Variants in XYLT1 observed in about 807,000 individuals in gnomAD.
The protein encoded by XYLT1 is xylosyltransferase 1, also known as beta-D-xylosyltransferase 1.
In XYLT1, 36 loss-of-function variants were observed where a neutral mutation model predicts 91.3. That is an observed-to-expected ratio of 0.39 (90% CI 0.30 to 0.52). The LOEUF is 0.52. XYLT1 is among the 20% of genes least tolerant of loss of function. The probability of loss-of-function intolerance (pLI) is 0.68; values close to 1 mark genes in which losing one functional copy is unlikely to be tolerated. For missense variants in XYLT1, 1,242 were observed against 1,284.5 expected (o/e 0.97, Z 0.51); for synonymous variants, 588 against 532.0 (o/e 1.11, Z -1.45).
At chr16:17,271,389 C>T (rs143274222) in intron 2 of XYLT1, among the ~76,000 whole-genome samples, 1 of 150,516 alleles carries the variant, frequency 6.6e-6, no homozygotes, top group African/African-American at 2.5e-5. Flanking sequence ...GAGAGAGACA[C>T]AGAGAGAAAG....
Position 17,470,785 on chromosome 16 carries a change from C to T in XYLT1, c.12G>A (p.Ala4=). ...GCCGGGCCAGCCTCCGGGCGCACGG[C>T]GCCGCCACCATCTTCGGAGCGCGGC... is the stretch of plus-strand genomic sequence containing the variant. MVA[A]PCARRLARRS... Residue 4 remains alanine (A), a synonymous_variant, in exon 1 of 12, where the codon GCG becomes GCA. Coordinates refer to ENST00000261381, the MANE Select transcript of XYLT1 (RefSeq NM_022166.4). 9.8e-7 allele frequency: 1 copy of T among 1,019,898 alleles called. No homozygotes were observed. Among genetic ancestry groups the T allele is most frequent in the Non-Finnish European group, 1.2e-6 (1 of 853,904 alleles). 63.2% of individuals were successfully genotyped at this position (1,019,898 alleles called of 1,614,324 possible).
intron 1 of XYLT1, among the ~76,000 whole-genome samples, chr16:17,371,486 G>A (rs117645174): frequency 6.6e-6 from 1 of 152,210 alleles, no homozygotes; most frequent in Non-Finnish European, 1.5e-5. Flanking sequence ...GGGTATAAAT[G>A]ACACAGCAGA....
intron 2 of XYLT1, among the ~76,000 whole-genome samples, chr16:17,348,921 A>G (rs1344151682): frequency 6.6e-6 from 1 of 152,194 alleles, no homozygotes; most frequent in Non-Finnish European, 1.5e-5. Flanking sequence ...TTTATGCCAA[A>G]TGTTAGTGAT....
At chr16:17,190,829 T>A (rs568185031) in intron 5 of XYLT1, among the ~76,000 whole-genome samples, 1 of 152,308 alleles carries the variant, frequency 6.6e-6, no homozygotes, top group South Asian at 2.1e-4. Flanking sequence ...ATGGTTAATT[T>A]TATGTTATAT....
chr16:17,318,840 G>C (rs993300246), intron 2 of XYLT1, among the ~76,000 whole-genome samples: 2 of 151,490 alleles, frequency 1.3e-5, no homozygotes, highest in Non-Finnish European at 2.9e-5. Context: ...CAGGCTGAAG[G>C]GCAGTGGCAC....
At chr16:17,441,891 T>C (rs905620158) in intron 1 of XYLT1, among the ~76,000 whole-genome samples, 3 of 152,180 alleles carry the variant, frequency 2.0e-5, no homozygotes, top group Admixed American at 6.5e-5. Flanking sequence ...ATTTTTGCCA[T>C]CCCCTTCTGT....
intron 11 of XYLT1, among the ~76,000 whole-genome samples, chr16:17,113,520 G>A (rs1207202905): frequency 6.6e-6 from 1 of 152,172 alleles, no homozygotes. Flanking sequence ...ACAATGTTGG[G>A]CACTTTAGGA....
At chr16:17,222,209 C>G (rs1188268539) in intron 3 of XYLT1, among the ~76,000 whole-genome samples, 2 of 152,194 alleles carry the variant, frequency 1.3e-5, no homozygotes, top group Non-Finnish European at 2.9e-5. Flanking sequence ...TTTTATGTCA[C>G]AGAAACATAC....
intron 10 of XYLT1, among the ~76,000 whole-genome samples, chr16:17,122,991 C>T (rs1238320703): frequency 2.0e-5 from 3 of 152,084 alleles, no homozygotes; most frequent in Non-Finnish European, 4.4e-5. Flanking sequence ...TTATAGTATG[C>T]TTTAAGGTTG....
At position 17,108,808 on chromosome 16, in the gene XYLT1, C is replaced by T; in HGVS notation, c.2767G>A (p.Gly923Ser). Residue 923 changes from glycine (G) to serine (S), a missense_variant, in exon 12 of 12, where the codon GGC (glycine) becomes AGC (serine). By Grantham distance (56) the Gly-to-Ser change is moderately conservative. Transcript: ENST00000261381. ...MWTAMDICAT[G>S]PTACPVMQTC... ...TGCATGACCGGGCAGGCTGTGGGGC[C>T]CGTGGCACAGATGTCCATGGCAGTC... 6.2e-7 allele frequency: 1 copy of T among 1,612,228 alleles called. No homozygotes were observed. Among genetic ancestry groups the T allele is most frequent in the South Asian group, 1.1e-5 (1 of 91,040 alleles).
chr16:17,465,556 T>TGGGGGGG (rs68156050), intron 1 of XYLT1, among the ~76,000 whole-genome samples: 1 of 101,230 alleles, frequency 9.9e-6, no homozygotes, highest in Non-Finnish European at 2.4e-5. Context: ...TGTTTTTTTT[T>TGGGGGGG]GGGGGGGGGG....
At chr16:17,157,994 G>A (rs970914168) in intron 6 of XYLT1, among the ~76,000 whole-genome samples, 13 of 151,424 alleles carry the variant, frequency 8.6e-5, no homozygotes, top group Admixed American at 2.6e-4. Flanking sequence ...TGATCTGCCC[G>A]CCTCGGCCTC....
intron 2 of XYLT1, among the ~76,000 whole-genome samples, chr16:17,279,734 C>A (rs1258268205): frequency 3.3e-5 from 5 of 152,266 alleles, no homozygotes; most frequent in African/African-American, 9.6e-5. Context: ...AAGAAGACCA[C>A]GAGAGTCAGG....
At chr16:17,136,228 A>T (rs541142657) in intron 8 of XYLT1, among the ~76,000 whole-genome samples, 85 of 152,330 alleles carry the variant, frequency 5.6e-4, no homozygotes, top group African/African-American at 2.0e-3. Context: ...AGGCAAAGCG[A>T]TATGTACAGA....
chr16:17,345,101 G>A (rs748543416), intron 2 of XYLT1, among the ~76,000 whole-genome samples: 14 of 152,176 alleles, frequency 9.2e-5, no homozygotes, highest in Non-Finnish European at 1.9e-4. Flanking sequence ...GAGACCCAAG[G>A]GGCCAGCTGT....
chr16:17,170,216 G>A (rs1259648032), intron 5 of XYLT1, among the ~76,000 whole-genome samples: 1 of 152,176 alleles, frequency 6.6e-6, no homozygotes, highest in Non-Finnish European at 1.5e-5. Context: ...CAGAGAGAAA[G>A]GCATGTCCAC....
intron 1 of XYLT1, among the ~76,000 whole-genome samples, chr16:17,461,708 G>A (rs765835023): frequency 3.9e-4 from 59 of 152,112 alleles, no homozygotes; most frequent in Non-Finnish European, 5.9e-4. Context: ...GGAGGCAGGG[G>A]GAGAATGAGG....
At chr16:17,160,571 G>A (rs889943422) in intron 5 of XYLT1, among the ~76,000 whole-genome samples, 3 of 152,098 alleles carry the variant, frequency 2.0e-5, no homozygotes, top group Non-Finnish European at 4.4e-5. Context: ...TTCTAGCAGC[G>A]GCAGGCACCA....
chr16:17,119,077 T>C (rs1029373300), intron 10 of XYLT1, among the ~76,000 whole-genome samples: 29 of 152,326 alleles, frequency 1.9e-4, no homozygotes, highest in African/African-American at 6.5e-4. Flanking sequence ...TGTCTGTTGA[T>C]GTATTTATTC....
Sources: allele counts gnomAD v4.1 joint callset (sites outside exome capture counted in the v4.1 genomes callset), GRCh38; gene constraint gnomAD v4.1.1; transcripts MANE v1.5; gene names NCBI Gene and HGNC (gene_info 2026-07-23, HGNC 2026-07-21).